Variants in NALF2 observed in about 807,000 individuals in gnomAD.
The protein encoded by NALF2 is NALCN channel auxiliary factor 2, also known as bB57D9.1 (TED protein).
NALF2 carries 1 observed loss-of-function variant against 24.8 expected under a neutral mutation model. The observed-to-expected ratio is 0.04, with a 90% CI of 0.01 to 0.19. NALF2 has a LOEUF of 0.19. Ranked by LOEUF, NALF2 falls within the 10% of genes least tolerant of loss-of-function variation. The probability of loss-of-function intolerance (pLI) is 1.00; values close to 1 mark genes in which losing one functional copy is unlikely to be tolerated. For synonymous variants in NALF2, 254 were observed against 189.8 expected (o/e 1.34, Z -2.78); for missense variants, 458 against 409.6 (o/e 1.12, Z -1.02).
intron 1 of NALF2, among the ~76,000 whole-genome samples, chrX:69,517,479 G>T (rs1930679122): frequency 8.9e-6 from 1 of 112,356 alleles, no homozygotes; most frequent in Admixed American, 9.4e-5. Flanking sequence ...TCTGGGTCAG[G>T]TGATTAGAAC....
intron 1 of NALF2, among the ~76,000 whole-genome samples, chrX:69,524,004 G>A (rs1411128489): frequency 1.8e-5 from 2 of 111,656 alleles, no homozygotes; most frequent in Non-Finnish European, 3.8e-5. Context: ...ATTGCCTGAG[G>A]TATTTTGAAA....
intron 1 of NALF2, among the ~76,000 whole-genome samples, chrX:69,525,370 G>A (rs1390264359): frequency 3.6e-5 from 4 of 111,709 alleles, no homozygotes; most frequent in Non-Finnish European, 7.5e-5. Context: ...CAGACATTGA[G>A]GCAGAGCCTA....
At chrX:69,520,859 C>T (rs1436819597) in intron 1 of NALF2, among the ~76,000 whole-genome samples, 1 of 111,422 alleles carries the variant, frequency 9.0e-6, no homozygotes, top group South Asian at 3.9e-4. Flanking sequence ...TTTCTCAATT[C>T]TGCCACTGTT....
At chrX:69,519,194 T>C (rs1930701862) in intron 1 of NALF2, among the ~76,000 whole-genome samples, 1 of 112,255 alleles carries the variant, frequency 8.9e-6, no homozygotes, top group Non-Finnish European at 1.9e-5. Flanking sequence ...AATTTCTTTA[T>C]CAGAACTATA....
intron 1 of NALF2, among the ~76,000 whole-genome samples, chrX:69,509,729 C>T (rs1271948630): frequency 8.9e-6 from 1 of 111,820 alleles, no homozygotes; most frequent in African/African-American, 3.3e-5. Flanking sequence ...GAAGAGGTGA[C>T]TCGGGCAGAT....
rs759359643 is a variant in NALF2 at position 69,505,975 on chromosome X, G to A, written c.693G>A (p.Val231=). The change falls in exon 1 of 3, where the codon GTG becomes GTA. Residue 231 remains valine (V), a synonymous_variant. Transcript: ENST00000252338. ...CCCTGATGGGGGACCTGCTGGCCGT[G>A]GTGGCCAGCCCGGGCTCCGGGGCCT... ...LDTLMGDLLA[V]VASPGSGAWE... The A allele has an allele frequency of 7.3e-5, 88 of 1,210,150 alleles. No individual in the cohort carries two copies. In the South Asian group the frequency reaches 1.5e-3, roughly 21 times the overall value.
In NALF2 at chrX:69,529,588, C is replaced by A; in HGVS notation, c.1051C>A (p.Pro351Thr). ...ATTGGCAGGGTTGCTGGATACTTCA[C>A]CAAAGCGTCTGGAAACCAAGTGCTG... ...FICTGLLDTS[P>T]KRLETKCCDV... Residue 351 changes from proline (P) to threonine (T), a missense_variant, in exon 3 of 3, where the codon CCA becomes ACA. Transcript: ENST00000252338. The A allele has an allele frequency of 8.3e-7, 1 of 1,209,110 alleles. No homozygotes were observed.
intron 2 of NALF2, 78 bp downstream of exon 2, chrX:69,529,242 G>GTT: frequency 9.6e-7 from 1 of 1,043,249 alleles, no homozygotes; most frequent in East Asian, 3.2e-5. Flanking sequence ...TTGGGAGCAG[G>GTT]GATAACAACA....
At chrX:69,513,321 T>C (rs916789062) in intron 1 of NALF2, among the ~76,000 whole-genome samples, 1 of 112,336 alleles carries the variant, frequency 8.9e-6, no homozygotes, top group East Asian at 2.8e-4. Flanking sequence ...AGTAAGACTT[T>C]GTTGCCCCAG....
In NALF2 at chrX:69,532,477, A is replaced by G. The variant is rs930578244; in HGVS notation, c.*2521A>G. On this transcript the variant is annotated 3_prime_UTR_variant, in exon 3 of 3. Transcript: ENST00000252338. ...GGCCTCTCTGCTCTTGTTTAACCCC[A>G]TAAAGAAATAAATGGTAAGACTTGA... 1 of 111,534 alleles carries G rather than the reference A, an allele frequency of 9.0e-6. No homozygotes were observed. Among genetic ancestry groups the G allele is most frequent in the Admixed American group, 9.5e-5 (1 of 10,500 alleles). The allele number at this position is 111,534 out of a possible 1,213,427, so 9.2% of individuals were successfully genotyped here.
At chrX:69,514,132 G>A (rs1414454515) in intron 1 of NALF2, among the ~76,000 whole-genome samples, 4 of 109,342 alleles carry the variant, frequency 3.7e-5, no homozygotes, top group Non-Finnish European at 5.7e-5. Flanking sequence ...GGAGGTTGCC[G>A]TGAGCTGAGA....
chrX:69,511,230 C>T (rs967092708), intron 1 of NALF2, among the ~76,000 whole-genome samples: 1 of 109,200 alleles, frequency 9.2e-6, no homozygotes, highest in Non-Finnish European at 1.9e-5. Flanking sequence ...CATTACTCCC[C>T]CTATTCCCAT....
chrX:69,522,699 G>T (rs1437072651), intron 1 of NALF2, among the ~76,000 whole-genome samples: 1 of 112,116 alleles, frequency 8.9e-6, no homozygotes, highest in African/African-American at 3.2e-5. Context: ...CCTTCCTCTG[G>T]TTGAGGAGAC....
At chrX:69,520,788 T>A (rs1930722542) in intron 1 of NALF2, among the ~76,000 whole-genome samples, 1 of 111,767 alleles carries the variant, frequency 8.9e-6, no homozygotes, top group Non-Finnish European at 1.9e-5. Context: ...ATTCCCCACA[T>A]CCTTAAATAA....
rs1930430687 is a variant in NALF2 at position 69,504,915 on chromosome X, G to A, written c.-368G>A. On this transcript the variant is annotated 5_prime_UTR_variant, in exon 1 of 3. The change creates a new upstream start codon in the 5' untranslated region. Coordinates refer to ENST00000252338, the MANE Select transcript of NALF2 (RefSeq NM_015686.3). The stretch of plus-strand genomic sequence containing the variant: ...CGGGCGGCCGCCGGCGCGGAGTGAA[G>A]TGGCACGGAGCCGAGGGCAGCTGAG... Among the ~76,000 whole-genome samples, 1 of 107,446 alleles carries A rather than the reference G, an allele frequency of 9.3e-6. No homozygotes were observed. The highest frequency in any genetic ancestry group is 2.0e-5 in the Non-Finnish European group (1 of 51,158). 93.3% of individuals were successfully genotyped at this position (107,446 alleles called of 115,157 possible).
chrX:69,519,992 C>T (rs1173621950), intron 1 of NALF2, among the ~76,000 whole-genome samples: 1 of 112,106 alleles, frequency 8.9e-6, no homozygotes, highest in Non-Finnish European at 1.9e-5. Flanking sequence ...TCTCTCCTCC[C>T]TTAATTGGCA....
intron 1 of NALF2, among the ~76,000 whole-genome samples, chrX:69,509,324 A>G (rs1311087769): frequency 9.3e-6 from 1 of 108,018 alleles, no homozygotes; most frequent in Non-Finnish European, 1.9e-5. Flanking sequence ...ACACTCCCCC[A>G]TGGCTCTCCA....
At position 69,504,467 on chromosome X, in the gene NALF2, G is replaced by T. The variant is rs1391249619; in HGVS notation, c.-816G>T. 1.8e-5 allele frequency among the ~76,000 whole-genome samples: 2 copies of T among 113,555 alleles called. No individual in the cohort carries two copies. The highest frequency in any genetic ancestry group is 3.7e-5 in the Non-Finnish European group (2 of 53,343). On this transcript the variant is annotated 5_prime_UTR_variant, in exon 1 of 3. Coordinates refer to ENST00000252338, the MANE Select transcript of NALF2 (RefSeq NM_015686.3). Reference sequence around the variant, plus strand: ...AGGGTGCATGGCCAGCGGGAGCCACGGGGCCGTGCCGCTGGGCTGCAGCCA... The same window carrying T: ...AGGGTGCATGGCCAGCGGGAGCCACTGGGCCGTGCCGCTGGGCTGCAGCCA...
intron 1 of NALF2, among the ~76,000 whole-genome samples, chrX:69,515,566 A>G (rs1334749838): frequency 1.8e-5 from 2 of 112,651 alleles, no homozygotes. Flanking sequence ...CTAATTTGGT[A>G]GTTGAAAAAT....
Sources: allele counts gnomAD v4.1 joint callset (sites outside exome capture counted in the v4.1 genomes callset), GRCh38; gene constraint gnomAD v4.1.1; transcripts MANE v1.5; gene names NCBI Gene and HGNC (gene_info 2026-07-23, HGNC 2026-07-21).